CRACD: variants seen among roughly 807,000 people sequenced by gnomAD.
CRACD encodes the protein capping protein inhibiting regulator of actin dynamics.
Under a neutral mutation model 106.8 loss-of-function variants are expected in CRACD, and 56 were observed. The ratio of observed to expected loss-of-function variants is 0.52; its 90% CI spans 0.42 to 0.66. The LOEUF is 0.66. Ranked by LOEUF, CRACD falls within the 30% of genes least tolerant of loss-of-function variation. The pLI is 0.00. For missense variants in CRACD, 1,730 were observed against 1,623.2 expected (o/e 1.07, Z -1.13); for synonymous variants, 754 against 670.8 (o/e 1.12, Z -1.92).
chr4:56,199,435 G>A (rs1737771724), intron 2 of CRACD, among the ~76,000 whole-genome samples: 1 of 152,130 alleles, frequency 6.6e-6, no homozygotes, highest in African/African-American at 2.4e-5. Context: ...TGTAATCCCA[G>A]CACTTTGGGA....
At chr4:56,064,453 C>A (rs750447130) in intron 1 of CRACD, among the ~76,000 whole-genome samples, 1 of 152,204 alleles carries the variant, frequency 6.6e-6, no homozygotes, top group Non-Finnish European at 1.5e-5. Context: ...GACCAGCACA[C>A]TTTTCAAAGC....
chr4:56,187,105 C>T (rs1429712312), intron 2 of CRACD, among the ~76,000 whole-genome samples: 2 of 151,914 alleles, frequency 1.3e-5, no homozygotes, highest in Non-Finnish European at 2.9e-5. Flanking sequence ...TTGAATTTGC[C>T]ATTGAACCTT....
rs542153962 is a variant in CRACD, at chr4:56,218,842, C to G, written c.-189+39412C>G. ...GCTTTTAGATGATTGCAGGAAGAAT[C>G]TCACAAGAATTATTTATTTCATAAT... On this transcript the variant is annotated intron_variant, in intron 2 of 10. Transcript: ENST00000682029. Among the ~76,000 whole-genome samples, 12 of 152,198 alleles carry G rather than the reference C, an allele frequency of 7.9e-5. No homozygotes were observed. The East Asian group carries it at 2.3e-3, about 29-fold the overall frequency.
intron 3 of CRACD, among the ~76,000 whole-genome samples, chr4:56,277,199 C>T (rs1036848458): frequency 6.6e-6 from 1 of 152,104 alleles, no homozygotes; most frequent in African/African-American, 2.4e-5. Flanking sequence ...AAAAACTCCA[C>T]AGACCAATAT....
At chr4:56,220,098 A>G (rs1738948260) in intron 2 of CRACD, among the ~76,000 whole-genome samples, 1 of 152,238 alleles carries the variant, frequency 6.6e-6, no homozygotes, top group African/African-American at 2.4e-5. Context: ...TAGGCAGGGC[A>G]GTGGTCTGGA....
In CRACD at chr4:56,314,464, G is replaced by A. The variant is rs1414685744; in HGVS notation, c.962G>A (p.Arg321Lys). 2.0e-6 allele frequency: 3 copies of A among 1,530,992 alleles called. No individual in the cohort carries two copies. Among genetic ancestry groups the A allele is most frequent in the Non-Finnish European group, 2.6e-6 (3 of 1,138,710 alleles). 94.8% of individuals were successfully genotyped at this position (1,530,992 alleles called of 1,614,324 possible). A position where few individuals can be genotyped will look rare whatever the true frequency, so the allele number is the denominator to read the frequency against. ...RERLEAEEERRRLQAQAQAEE... is the reference protein window; with the variant it reads ...RERLEAEEERKRLQAQAQAEE... ...CGCCTGGAGGCGGAGGAGGAGCGAAGGCGTCTGCAGGCCCAGGCCCAAGCG... is the reference window on the plus strand; with the variant it reads ...CGCCTGGAGGCGGAGGAGGAGCGAAAGCGTCTGCAGGCCCAGGCCCAAGCG... The change falls in exon 8 of 11, where the codon AGG becomes AAG. Residue 321 changes from arginine (R) to lysine (K), a missense_variant. Physicochemically the swap from Arg to Lys is conservative, Grantham distance 26. Coordinates refer to ENST00000682029, the MANE Select transcript of CRACD (RefSeq NM_001393381.1). This position sits in a 1 kb window ranked among gnomAD's most constrained non-coding sequence, Gnocchi z 4.4.
At chr4:56,236,867 T>C (rs1413011876) in intron 2 of CRACD, among the ~76,000 whole-genome samples, 1 of 152,158 alleles carries the variant, frequency 6.6e-6, no homozygotes, top group Non-Finnish European at 1.5e-5. Context: ...ATGCATAACT[T>C]CAGACCATTT....
At chr4:56,057,822 T>TG (rs1732137137) in intron 1 of CRACD, among the ~76,000 whole-genome samples, 1 of 57,424 alleles carries the variant, frequency 1.7e-5, no homozygotes, top group Non-Finnish European at 3.3e-5. Flanking sequence ...TTGTTTTTTT[T>TG]TTTTTTTTTT....
intron 2 of CRACD, among the ~76,000 whole-genome samples, chr4:56,202,323 G>A (rs374117943): frequency 2.0e-5 from 3 of 152,122 alleles, no homozygotes; most frequent in East Asian, 3.9e-4. Flanking sequence ...TTGGCTCACT[G>A]GCAACCACCA....
chr4:56,252,388 A>C (rs549758176), intron 2 of CRACD, among the ~76,000 whole-genome samples: 1 of 152,128 alleles, frequency 6.6e-6, no homozygotes, highest in African/African-American at 2.4e-5. Flanking sequence ...ATCTTCTTAC[A>C]TGAGGCCAGA....
In CRACD at chr4:56,314,336, G is replaced by A. The variant is rs780173326; in HGVS notation, c.834G>A (p.Glu278=). The change falls in exon 8 of 11, where the codon GAG becomes GAA. Residue 278 remains glutamate, a synonymous_variant. Transcript: ENST00000682029. This position sits in a 1 kb window ranked among gnomAD's most constrained non-coding sequence, Gnocchi z 4.4. ...ELLEEEGEGQ[E]PPLEAERAPR... ...TGGAGGAGGAGGGCGAGGGGCAGGA[G>A]CCGCCTCTAGAGGCGGAAAGGGCGC... The A allele has an allele frequency of 6.4e-7, 1 of 1,550,506 alleles. No homozygotes were observed. Among genetic ancestry groups the A allele is most frequent in the South Asian group, 1.2e-5 (1 of 84,064 alleles).
intron 3 of CRACD, among the ~76,000 whole-genome samples, chr4:56,278,383 G>A (rs1742797906): frequency 6.6e-6 from 1 of 152,198 alleles, no homozygotes; most frequent in Non-Finnish European, 1.5e-5. Flanking sequence ...TTTTCAATAA[G>A]AGTGCTAAGA....
Position 56,316,235 on chromosome 4 carries a change from G to A in CRACD, c.2733G>A (p.Lys911=). 2.5e-6 allele frequency: 4 copies of A among 1,613,990 alleles called. No individual in the cohort carries two copies. The South Asian group carries it at 3.3e-5, about 13-fold the overall frequency. The change falls in exon 8 of 11, where the codon AAG becomes AAA. Residue 911 remains lysine (K), a synonymous_variant. Transcript: ENST00000682029. ...GTCCATCCCTCCCCCAAGAGCGGAA[G>A]CAAGCCCCTTCCACCCGGAGGGACT... is the stretch of plus-strand genomic sequence containing the variant. ...KHGPSLPQER[K]QAPSTRRDSA...
chr4:56,161,858 G>A (rs1735972009), intron 1 of CRACD, among the ~76,000 whole-genome samples: 1 of 151,746 alleles, frequency 6.6e-6, no homozygotes, highest in Non-Finnish European at 1.5e-5. Flanking sequence ...CTGCCTCCTG[G>A]GTTTAAGTGA....
chr4:56,062,780 C>T (rs13112752), intron 1 of CRACD, among the ~76,000 whole-genome samples: 48,558 of 152,036 alleles, frequency 0.32, 8,787 homozygotes, highest in African/African-American at 0.5. Flanking sequence ...TCCTTGAAGA[C>T]GGTTGCAAGG....
At chr4:56,181,770 A>T (rs1256252974) in intron 2 of CRACD, among the ~76,000 whole-genome samples, 1 of 152,072 alleles carries the variant, frequency 6.6e-6, no homozygotes, top group Admixed American at 6.5e-5. Flanking sequence ...TGTCATTCTC[A>T]CTGTGTGTCT....
rs139155496 is a variant in CRACD at position 56,089,396 on chromosome 4, A to T, written c.-336+40097A>T. 5.0e-3 allele frequency among the ~76,000 whole-genome samples: 757 copies of T among 152,028 alleles called. 3 individuals carry two copies. Among genetic ancestry groups the T allele is most frequent in the Non-Finnish European group, 6.4e-3 (433 of 68,018 alleles). On this transcript the variant is annotated intron_variant, in intron 1 of 10. Coordinates refer to ENST00000682029, the MANE Select transcript of CRACD (RefSeq NM_001393381.1). ...TTTCTGAGCCCTATCACTTTTCTTGATAGAGTGTCTACTGTTAAGTTGCCG... is the reference window on the plus strand; with the variant it reads ...TTTCTGAGCCCTATCACTTTTCTTGTTAGAGTGTCTACTGTTAAGTTGCCG...
In CRACD at chr4:56,049,199, G is replaced by C. The variant is rs1416838006; in HGVS notation, c.-436G>C. ...CTGCTGCCGCGGCGGCTGCTGATGC[G>C]GAGGCTGCCGCGCGCAGTGCCGCCG... On this transcript the variant is annotated 5_prime_UTR_variant, in exon 1 of 11. Transcript: ENST00000682029. 2 of 150,152 alleles carry C rather than the reference G, an allele frequency of 1.3e-5. No homozygotes were observed. The highest frequency in any genetic ancestry group is 3.0e-5 in the Non-Finnish European group (2 of 67,210). 9.3% of individuals were successfully genotyped at this position (150,152 alleles called of 1,614,324 possible). A position where few individuals can be genotyped will look rare whatever the true frequency, so the allele number is the denominator to read the frequency against.
Position 56,214,681 on chromosome 4 carries a change from C to CTCTATATATATATATA in CRACD, c.-189+35252_-189+35253insCTATATATATATATAT. ...TCTCTCTCTCTCTCTCTCTCTCTCT[C>CTCTATATATATATATA]TATATATATATATATCAAACAGTTA... On this transcript the variant is annotated intron_variant, in intron 2 of 10. Coordinates refer to ENST00000682029, the MANE Select transcript of CRACD (RefSeq NM_001393381.1). Among the ~76,000 whole-genome samples the CTCTATATATATATATA allele has an allele frequency of 2.3e-3, 183 of 80,968 alleles. 3 individuals carry two copies. The highest frequency in any genetic ancestry group is 7.7e-3 in the African/African-American group (181 of 23,476). The allele number at this position is 80,968 out of a possible 152,430, so 53.1% of individuals were successfully genotyped here. A position where few individuals can be genotyped will look rare whatever the true frequency, so the allele number is the denominator to read the frequency against.
Sources: allele counts gnomAD v4.1 joint callset (sites outside exome capture counted in the v4.1 genomes callset), GRCh38; gene constraint gnomAD v4.1.1; non-coding constraint Gnocchi (gnomAD v3.1); transcripts MANE v1.5; gene names NCBI Gene and HGNC (gene_info 2026-07-23, HGNC 2026-07-21).